Variants in UGGT1 observed in about 807,000 individuals in gnomAD.
The protein encoded by UGGT1 is UDP-glucose:glycoprotein glucosyltransferase 1.
In UGGT1, 107 loss-of-function variants were observed where a neutral mutation model predicts 203.9. That is an observed-to-expected ratio of 0.52 (90% CI 0.45 to 0.62). The LOEUF (loss-of-function observed/expected upper bound fraction) is 0.62, where lower values mean the gene tolerates loss of function less well. Ranked by LOEUF, UGGT1 falls within the 20% of genes least tolerant of loss-of-function variation. The pLI is 0.00. For missense variants in UGGT1, 1,673 were observed against 1,867.2 expected (o/e 0.90, Z 1.92); for synonymous variants, 628 against 653.5 (o/e 0.96, Z 0.59).
intron 5 of UGGT1, among the ~76,000 whole-genome samples, chr2:128,111,377 A>G (rs940286177): frequency 8.5e-5 from 13 of 152,176 alleles, no homozygotes; most frequent in African/African-American, 3.1e-4. Flanking sequence ...AGAAACAAAA[A>G]CGTCCATTAG....
At chr2:128,119,849 T>A (rs1049978422) in intron 8 of UGGT1, among the ~76,000 whole-genome samples, 10 of 152,084 alleles carry the variant, frequency 6.6e-5, no homozygotes, top group African/African-American at 2.4e-4. Context: ...CTTTTTTTAC[T>A]TTAAGAACAA....
chr2:128,156,528 T>A, intron 21 of UGGT1, 113 bp downstream of exon 21: 1 of 785,518 alleles, frequency 1.3e-6, no homozygotes, highest in Non-Finnish European at 2.1e-6. Flanking sequence ...AATCTGTGGG[T>A]AACAGGAAGC....
At chr2:128,174,922 G>T in intron 31 of UGGT1, 64 bp downstream of exon 31, 1 of 1,395,754 alleles carries the variant, frequency 7.2e-7, no homozygotes. Flanking sequence ...AGCTCTAATT[G>T]AATACTACCC....
chr2:128,108,996 ACCT>A (rs903610199), intron 4 of UGGT1, among the ~76,000 whole-genome samples: 4 of 151,626 alleles, frequency 2.6e-5, no homozygotes, highest in Non-Finnish European at 5.9e-5. Flanking sequence ...TGCAACCTCC[ACCT>A]CCTGGGTTTA....
chr2:128,157,382 G>A, intron 22 of UGGT1, 36 bp downstream of exon 22: 1 of 1,573,162 alleles, frequency 6.4e-7, no homozygotes, highest in Non-Finnish European at 8.7e-7. Context: ...ATTTTTGTTT[G>A]TGGCTGTAGT....
chr2:128,116,268 C>A lies in UGGT1; in HGVS notation c.797C>A (p.Thr266Asn), dbSNP rs762898257. The part of the protein sequence containing the change: ...KAKDDTQVKG[T>N]EVNTTVIGEN... The stretch of plus-strand genomic sequence containing the variant: ...TGTATTTTCTATTCTTTCATAGGAA[C>A]TGAGGTAAACACCACAGTGATTGGT... Residue 266 changes from threonine to asparagine, a missense_variant, in exon 8 of 41, where the codon ACT (threonine) becomes AAT (asparagine). This residue lies in a region of UGGT1 where 1,073 missense variants were observed against 1,078.7 expected (regional missense o/e 0.99). Transcript: ENST00000259253. The A allele has an allele frequency of 4.4e-6, 7 of 1,597,818 alleles. No individual in the cohort carries two copies. The African/African-American group carries it at 8.0e-5, about 18-fold the overall frequency.
At chr2:128,123,146 A>G (rs1573530802) in intron 10 of UGGT1, 40 bp from the exon 11 acceptor site, 2 of 1,505,194 alleles carry the variant, frequency 1.3e-6, no homozygotes, top group Admixed American at 1.9e-5. Flanking sequence ...CTTTATATCA[A>G]ATATTAAGCC....
intron 22 of UGGT1, among the ~76,000 whole-genome samples, chr2:128,158,211 A>AT (rs1690336949): frequency 6.6e-6 from 1 of 152,094 alleles, no homozygotes; most frequent in Non-Finnish European, 1.5e-5. Flanking sequence ...GGAGAGTTGC[A>AT]TTTTTTAATA....
At chr2:128,182,020 C>A in intron 36 of UGGT1, 110 bp from the exon 37 acceptor site, 1 of 1,082,922 alleles carries the variant, frequency 9.2e-7, no homozygotes, top group Non-Finnish European at 1.3e-6. Flanking sequence ...GTGCCACTAA[C>A]CACGGAGCAG....
At chr2:128,134,404 CAT>C (rs765906610) in intron 14 of UGGT1, among the ~76,000 whole-genome samples, 2 of 152,210 alleles carry the variant, frequency 1.3e-5, no homozygotes, top group Admixed American at 6.5e-5. Flanking sequence ...TGTTTTACCA[CAT>C]GTCTGAACTT....
At chr2:128,184,545 A>G (rs995171424) in intron 38 of UGGT1, among the ~76,000 whole-genome samples, 2 of 152,242 alleles carry the variant, frequency 1.3e-5, no homozygotes, top group Non-Finnish European at 2.9e-5. Flanking sequence ...AGTGTCTAGC[A>G]TCACGACTTT....
chr2:128,115,167 A>G lies in UGGT1; in HGVS notation c.740A>G (p.Glu247Gly), dbSNP rs766193989. Residue 247 changes from glutamate to glycine, a missense_variant, in exon 7 of 41, where the codon GAA becomes GGA. This residue lies in a region of UGGT1 where 1,073 missense variants were observed against 1,078.7 expected (regional missense o/e 0.99). Coordinates refer to ENST00000259253, the MANE Select transcript of UGGT1 (RefSeq NM_020120.4). ...GTTTACCTCTCTGGCTATGGCGTGG[A>G]ATTGGCCATTAAGAGCACTGAGTAC... Reference protein sequence around the residue: ...EPVYLSGYGVELAIKSTEYKA... With the variant: ...EPVYLSGYGVGLAIKSTEYKA... 5.0e-6 allele frequency: 8 copies of G among 1,614,112 alleles called. No homozygotes were observed. Among genetic ancestry groups the G allele is most frequent in the Non-Finnish European group, 2.5e-6 (3 of 1,179,982 alleles).
In UGGT1 at chr2:128,176,575, C is replaced by G. The variant is rs149680830; in HGVS notation, c.3540-239C>G. Reference sequence around the variant, plus strand: ...ATGTGGTTACCACACATGGGTGCCTCTCACTACGTGATGGGTAATTTGCAA... The same window carrying G: ...ATGTGGTTACCACACATGGGTGCCTGTCACTACGTGATGGGTAATTTGCAA... On this transcript the variant is annotated intron_variant, in intron 31 of 40. Transcript: ENST00000259253. 2.7e-3 allele frequency among the ~76,000 whole-genome samples: 409 copies of G among 152,262 alleles called. 3 individuals carry two copies. Among genetic ancestry groups the G allele is most frequent in the African/African-American group, 9.4e-3 (389 of 41,540 alleles).
Position 128,180,955 on chromosome 2 carries a change from C to T in UGGT1, c.3966C>T (p.Pro1322=). The change falls in exon 36 of 41, where the codon CCC becomes CCT. Residue 1322 remains proline, a synonymous_variant. Transcript: ENST00000259253. The part of the protein sequence containing the change: ...FQYELVQYKW[P]RWLHQQTEKQ... ...ATGAGCTTGTTCAGTACAAATGGCC[C>T]CGGTGGCTTCATCAACAAACTGAAA... 1 of 1,614,100 alleles carries T rather than the reference C, an allele frequency of 6.2e-7. No homozygotes were observed. The highest frequency in any genetic ancestry group is 8.5e-7 in the Non-Finnish European group (1 of 1,180,018).
intron 25 of UGGT1, 85 bp from the exon 26 acceptor site, chr2:128,164,645 G>A: frequency 9.2e-7 from 1 of 1,090,690 alleles, no homozygotes. Flanking sequence ...TTAGAATTCA[G>A]TATTTGGGCT....
rs903766911 is a variant in UGGT1, at chr2:128,177,881, C to G, written c.3674C>G (p.Thr1225Arg). 1 of 1,603,824 alleles carries G rather than the reference C, an allele frequency of 6.2e-7. No individual in the cohort carries two copies. Among genetic ancestry groups the G allele is most frequent in the South Asian group, 1.1e-5 (1 of 89,194 alleles). The change falls in exon 33 of 41, where the codon ACG becomes AGG. Residue 1225 changes from threonine (T) to arginine (R), a missense_variant. Physicochemically the swap from Thr to Arg is moderately conservative, Grantham distance 71. Transcript: ENST00000259253. ...AACGAAGACTTGCTGAGTGATGGAA[C>G]GAGTGAGAATGAATCTGGATTTTGG... ...MVNEDLLSDG[T>R]SENESGFWDS...
In UGGT1 at chr2:128,195,509, A is replaced by G. The variant is rs1163895946; in HGVS notation, c.*5767A>G. 1.3e-5 allele frequency: 2 copies of G among 152,230 alleles called. No homozygotes were observed. Among genetic ancestry groups the G allele is most frequent in the Non-Finnish European group, 2.9e-5 (2 of 68,034 alleles). 9.4% of individuals were successfully genotyped at this position (152,230 alleles called of 1,614,324 possible). A position where few individuals can be genotyped will look rare whatever the true frequency, so the allele number is the denominator to read the frequency against. Reference sequence around the variant, plus strand: ...TCCAATGTTACTGTAATCCTGCTCCATTAAATGCAGCATTGTTGTCAGGTG... The same window carrying G: ...TCCAATGTTACTGTAATCCTGCTCCGTTAAATGCAGCATTGTTGTCAGGTG... On this transcript the variant is annotated 3_prime_UTR_variant, in exon 41 of 41. Transcript: ENST00000259253.
At chr2:128,139,564 A>T (rs1349313848) in intron 16 of UGGT1, among the ~76,000 whole-genome samples, 1 of 152,202 alleles carries the variant, frequency 6.6e-6, no homozygotes, top group African/African-American at 2.4e-5. Context: ...ACAGTCCAGC[A>T]CTCAGCAGGG....
Position 128,091,295 on chromosome 2 carries a change from G to A in UGGT1, c.-63G>A, listed in dbSNP as rs1041602303. On this transcript the variant is annotated 5_prime_UTR_variant, in exon 1 of 41. Transcript: ENST00000259253. ...TGGCGCAGCCTGCACTGCCGCTGCC[G>A]CCTCGCCCCGCCCTGCCCTGGCGTT... The A allele has an allele frequency of 4.8e-6, 7 of 1,470,258 alleles. No homozygotes were observed. The highest frequency in any genetic ancestry group is 6.3e-6 in the Non-Finnish European group (7 of 1,105,582). The allele number at this position is 1,470,258 out of a possible 1,614,324, so 91.1% of individuals were successfully genotyped here. A position where few individuals can be genotyped will look rare whatever the true frequency, so the allele number is the denominator to read the frequency against.
Sources: gnomAD v4.1 joint callset for allele counts (sites outside exome capture counted in the v4.1 genomes callset) on GRCh38, gnomAD v4.1.1 for gene constraint, gnomAD v4.1.1 regional missense constraint, MANE v1.5 for transcripts, NCBI Gene and HGNC (gene_info 2026-07-23, HGNC 2026-07-21) for gene names.